Variants in MARCHF3 observed in about 807,000 individuals in gnomAD.
MARCHF3 encodes the protein membrane associated ring-CH-type finger 3.
Under a neutral mutation model 24.2 loss-of-function variants are expected in MARCHF3, and 13 were observed. That is an observed-to-expected ratio of 0.54 (90% CI 0.35 to 0.85). MARCHF3 has a LOEUF of 0.85. Ranked by LOEUF, MARCHF3 falls within the 40% of genes least tolerant of loss-of-function variation. The probability of loss-of-function intolerance (pLI) is 0.01; values close to 1 mark genes in which losing one functional copy is unlikely to be tolerated. For missense variants in MARCHF3, 276 were observed against 325.0 expected (o/e 0.85, Z 1.16); for synonymous variants, 144 against 137.3 (o/e 1.05, Z -0.34).
chr5:126,949,206 G>T (rs1580672668), intron 1 of MARCHF3, among the ~76,000 whole-genome samples: 1 of 152,144 alleles, frequency 6.6e-6, no homozygotes, highest in African/African-American at 2.4e-5. Context: ...CAAGGTACTA[G>T]CAGGCTAATA....
chr5:127,013,224 G>A (rs1250761929), intron 1 of MARCHF3, among the ~76,000 whole-genome samples: 1 of 152,072 alleles, frequency 6.6e-6, no homozygotes, highest in Non-Finnish European at 1.5e-5. Flanking sequence ...ATCCATCATG[G>A]ACTCTTTCTC....
chr5:126,991,493 C>T (rs948761032), intron 1 of MARCHF3, among the ~76,000 whole-genome samples: 3 of 152,120 alleles, frequency 2.0e-5, no homozygotes, highest in African/African-American at 4.8e-5. Flanking sequence ...CACATGTATA[C>T]CTATGTAACA....
At chr5:126,990,085 AC>A (rs1751700906) in intron 1 of MARCHF3, among the ~76,000 whole-genome samples, 1 of 142,800 alleles carries the variant, frequency 7.0e-6, no homozygotes, top group African/African-American at 2.6e-5. Flanking sequence ...CCCCCATTTA[AC>A]AAGACAATCC....
intron 3 of MARCHF3, among the ~76,000 whole-genome samples, chr5:126,903,089 A>AT (rs1398819023): frequency 6.6e-6 from 1 of 152,092 alleles, no homozygotes; most frequent in Non-Finnish European, 1.5e-5. Context: ...TGTGGGCACA[A>AT]TAGGAAGGAG....
At chr5:126,890,716 T>C (rs1753660511) in intron 3 of MARCHF3, among the ~76,000 whole-genome samples, 1 of 151,364 alleles carries the variant, frequency 6.6e-6, no homozygotes, top group Non-Finnish European at 1.5e-5. Context: ...GTTCCAAGTC[T>C]TTGCTATTGT....
intron 1 of MARCHF3, among the ~76,000 whole-genome samples, chr5:126,987,799 G>A (rs1291122468): frequency 6.6e-6 from 1 of 152,104 alleles, no homozygotes; most frequent in African/African-American, 2.4e-5. Flanking sequence ...GTCTGCCTAA[G>A]GGACACTGTG....
At chr5:126,875,688 G>T (rs1753124699) in intron 4 of MARCHF3, among the ~76,000 whole-genome samples, 1 of 152,168 alleles carries the variant, frequency 6.6e-6, no homozygotes, top group South Asian at 2.1e-4. Flanking sequence ...AAGGGGGAGA[G>T]ATGCCTTCTT....
intron 1 of MARCHF3, among the ~76,000 whole-genome samples, chr5:126,990,248 C>G (rs1466248397): frequency 1.3e-5 from 2 of 152,004 alleles, no homozygotes; most frequent in African/African-American, 2.4e-5. Context: ...CACCACACAT[C>G]TACAACCATT....
At chr5:126,981,849 A>G (rs1271797517) in intron 1 of MARCHF3, among the ~76,000 whole-genome samples, 1 of 152,218 alleles carries the variant, frequency 6.6e-6, no homozygotes, top group Non-Finnish European at 1.5e-5. Context: ...GCTGCCAGGC[A>G]TGCTCTTTTT....
At chr5:126,987,952 A>G (rs1338071357) in intron 1 of MARCHF3, among the ~76,000 whole-genome samples, 2 of 152,228 alleles carry the variant, frequency 1.3e-5, no homozygotes, top group African/African-American at 4.8e-5. Flanking sequence ...AGTAGATAAC[A>G]TTAACATTAC....
At chr5:126,899,280 T>G (rs1426961350) in intron 3 of MARCHF3, 7 of 985,106 alleles carry the variant, frequency 7.1e-6, no homozygotes, top group African/African-American at 1.8e-5. Context: ...TCAAAAAAAG[T>G]GAGGCAAAGA....
intron 3 of MARCHF3, among the ~76,000 whole-genome samples, chr5:126,891,206 A>G (rs1329050640): frequency 6.6e-6 from 1 of 151,520 alleles, no homozygotes; most frequent in African/African-American, 2.4e-5. Context: ...TCAGATGAGT[A>G]GGTTGGGAAA....
intron 1 of MARCHF3, among the ~76,000 whole-genome samples, chr5:127,008,292 G>A (rs57915728): frequency 0.052 from 7,845 of 152,142 alleles, 377 homozygotes; most frequent in South Asian, 0.14. Flanking sequence ...TTGATTGCTC[G>A]AAGAACTCCT....
Position 126,878,357 on chromosome 5 carries a change from G to C in MARCHF3, c.431C>G (p.Thr144Ser). ...GAAGCACACCATGTCGCCAAACAGA[G>C]TCCGCTTCTCATGCTGGGGGCCAGG... is the stretch of plus-strand genomic sequence containing the variant. ...RNPGPQHEKRTLFGDMVCFLF... is the reference protein window; with the variant it reads ...RNPGPQHEKRSLFGDMVCFLF... The change falls in exon 4 of 5, where the codon ACT becomes AGT. Residue 144 changes from threonine to serine, a missense_variant. Transcript: ENST00000308660. 1 of 1,614,096 alleles carries C rather than the reference G, an allele frequency of 6.2e-7. No homozygotes were observed. Among genetic ancestry groups the C allele is most frequent in the Non-Finnish European group, 8.5e-7 (1 of 1,179,964 alleles).
intron 3 of MARCHF3, 34 bp downstream of exon 3, chr5:126,914,896 A>T (rs1754668891): frequency 6.2e-7 from 1 of 1,610,142 alleles, no homozygotes; most frequent in African/African-American, 1.3e-5. Context: ...TGCTCATTAG[A>T]GCTAAGTTTT....
intron 1 of MARCHF3, among the ~76,000 whole-genome samples, chr5:127,029,146 G>A (rs576072752): frequency 1.3e-5 from 2 of 152,184 alleles, no homozygotes; most frequent in Non-Finnish European, 2.9e-5. Flanking sequence ...CCATCTCTGT[G>A]ACCCAAGGGA....
chr5:126,918,004 C>T lies in MARCHF3; in HGVS notation c.168G>A (p.Val56=), dbSNP rs754247160. Residue 56 remains valine (V), a synonymous_variant, in exon 2 of 5, where the codon GTG becomes GTA. Coordinates refer to ENST00000308660, the MANE Select transcript of MARCHF3 (RefSeq NM_178450.5). ...ACTACCTCTGGGTGGCAAGAGTCCG[C>T]ACTACTGTTGACAGCAGCTGCCCGT... ...AKDGQLLSTV[V]RTLATQSPFN... is the part of the protein sequence containing the mutation. The T allele has an allele frequency of 3.3e-5, 54 of 1,613,938 alleles. No individual in the cohort carries two copies. In the Admixed American group the frequency reaches 8.8e-4, roughly 26 times the overall value.
rs1260168382 is a variant in MARCHF3, at chr5:126,928,876, CT to C, written c.-56-10650del. Among the ~76,000 whole-genome samples, 6 of 152,238 alleles carry C rather than the reference CT, an allele frequency of 3.9e-5. No homozygotes were observed. In the East Asian group the frequency reaches 5.8e-4, roughly 15 times the overall value. Reference sequence around the variant, plus strand: ...ATCCCAGAAATCAGTCATTTCACCCCTATATACTTCAGTATGAATTTCTAAA... The same window carrying C: ...ATCCCAGAAATCAGTCATTTCACCCCATATACTTCAGTATGAATTTCTAAA... On this transcript the variant is annotated intron_variant, in intron 1 of 4. Transcript: ENST00000308660.
intron 3 of MARCHF3, among the ~76,000 whole-genome samples, chr5:126,895,490 G>T (rs1262115025): frequency 6.6e-6 from 1 of 152,052 alleles, no homozygotes; most frequent in Non-Finnish European, 1.5e-5. Flanking sequence ...ATGGGTTTTT[G>T]GTGTGGATGT....
Sources: allele counts gnomAD v4.1 joint callset (sites outside exome capture counted in the v4.1 genomes callset), GRCh38; gene constraint gnomAD v4.1.1; transcripts MANE v1.5; gene names NCBI Gene and HGNC (gene_info 2026-07-23, HGNC 2026-07-21).